DNAJC11: variants seen among roughly 807,000 people sequenced by gnomAD.
DNAJC11 encodes the protein DnaJ heat shock protein family (Hsp40) member C11, also known as dnaJ homolog subfamily C member 11.
Under a neutral mutation model 78.6 loss-of-function variants are expected in DNAJC11, and 15 were observed. The ratio of observed to expected loss-of-function variants is 0.19; its 90% CI spans 0.13 to 0.29. The LOEUF is 0.29. DNAJC11 is among the 10% of genes least tolerant of loss of function. DNAJC11 has a pLI of 1.00. For synonymous variants in DNAJC11, 292 were observed against 272.1 expected (o/e 1.07, Z -0.72); for missense variants, 547 against 709.6 (o/e 0.77, Z 2.60).
At chr1:6,693,084 C>A (rs1036750258) in intron 1 of DNAJC11, among the ~76,000 whole-genome samples, 3 of 144,220 alleles carry the variant, frequency 2.1e-5, no homozygotes, top group African/African-American at 7.6e-5. Context: ...TTTTTTTTTT[C>A]GTATTTTTAG....
At chr1:6,701,288 T>A (rs897660800) in intron 1 of DNAJC11, among the ~76,000 whole-genome samples, 1 of 152,154 alleles carries the variant, frequency 6.6e-6, no homozygotes, top group Non-Finnish European at 1.5e-5. Flanking sequence ...CGTTCCCTAG[T>A]GGCCTTGACC....
intron 1 of DNAJC11, among the ~76,000 whole-genome samples, chr1:6,694,559 C>G (rs1432999140): frequency 6.6e-6 from 1 of 152,138 alleles, no homozygotes; most frequent in Non-Finnish European, 1.5e-5. Context: ...GCGCCTCACT[C>G]TTGTTAACTG....
chr1:6,637,583 GTC>G, intron 12 of DNAJC11, 79 bp from the exon 13 acceptor site: 1 of 1,516,644 alleles, frequency 6.6e-7, no homozygotes, highest in South Asian at 1.1e-5. Flanking sequence ...CAGGCAGGCA[GTC>G]TTGTCCACGT....
intron 3 of DNAJC11, among the ~76,000 whole-genome samples, chr1:6,676,450 G>C (rs186007185): frequency 6.6e-6 from 1 of 152,008 alleles, no homozygotes; most frequent in Non-Finnish European, 1.5e-5. Context: ...GAGGCTGAGG[G>C]GGGAGGGTAG....
At chr1:6,655,876 G>A (rs182766957) in intron 4 of DNAJC11, among the ~76,000 whole-genome samples, 267 of 152,176 alleles carry the variant, frequency 1.8e-3, no homozygotes, top group African/African-American at 6.1e-3. Context: ...GGCCGAGGCA[G>A]GCGGCTCACG....
rs537774133 is a variant in DNAJC11 at position 6,645,291 on chromosome 1, C to G, written c.895-165G>C. Among the ~76,000 whole-genome samples, 1 of 152,288 alleles carries G rather than the reference C, an allele frequency of 6.6e-6. No individual in the cohort carries two copies. Among genetic ancestry groups the G allele is most frequent in the African/African-American group, 2.4e-5 (1 of 41,538 alleles). On this transcript the variant is annotated intron_variant, in intron 8 of 15. Transcript: ENST00000377577. This position sits in a 1 kb window ranked among gnomAD's most constrained non-coding sequence, Gnocchi z 4.1. ...GAGTGCACCATGATTTATTAGCAGCCAGTAATTAAAAAGTGGGAGACTTCA... is the reference window on the plus strand; with the variant it reads ...GAGTGCACCATGATTTATTAGCAGCGAGTAATTAAAAAGTGGGAGACTTCA...
intron 3 of DNAJC11, among the ~76,000 whole-genome samples, chr1:6,673,615 T>A (rs1193557689): frequency 6.6e-6 from 1 of 152,230 alleles, no homozygotes; most frequent in Non-Finnish European, 1.5e-5. Context: ...TAGCACCTTT[T>A]ATAACCATGG....
intron 6 of DNAJC11, 117 bp downstream of exon 6, chr1:6,652,712 C>T (rs17365584): frequency 0.027 from 37,611 of 1,380,400 alleles, 801 homozygotes; most frequent in South Asian, 0.086. Flanking sequence ...CACTTGGTAC[C>T]GTTCTTACAC....
chr1:6,659,586 C>A (rs1218327626), intron 4 of DNAJC11, among the ~76,000 whole-genome samples: 1 of 151,890 alleles, frequency 6.6e-6, no homozygotes, highest in African/African-American at 2.4e-5. Context: ...ATAGTAAAAC[C>A]TCGTCTCTAC....
chr1:6,681,888 A>T (rs1277531952), intron 1 of DNAJC11, among the ~76,000 whole-genome samples: 1 of 152,148 alleles, frequency 6.6e-6, no homozygotes, highest in Non-Finnish European at 1.5e-5. Flanking sequence ...TTGGCCTATC[A>T]GGGGTGGTAC....
chr1:6,685,135 G>A (rs1642632271), intron 1 of DNAJC11, among the ~76,000 whole-genome samples: 1 of 152,136 alleles, frequency 6.6e-6, no homozygotes, highest in Non-Finnish European at 1.5e-5. Context: ...AATTATCCAG[G>A]TGTACTTCCA....
chr1:6,653,732 A>C lies in DNAJC11; in HGVS notation c.507+179T>G. 1 of 778,692 alleles carries C rather than the reference A, an allele frequency of 1.3e-6. No individual in the cohort carries two copies. Among genetic ancestry groups the C allele is most frequent in the South Asian group, 1.7e-5 (1 of 57,634 alleles). 48.2% of individuals were successfully genotyped at this position (778,692 alleles called of 1,614,324 possible). A position where few individuals can be genotyped will look rare whatever the true frequency, so the allele number is the denominator to read the frequency against. ...CCACACTCCTGCTGGCTCACATGCCAGCACAGCGGTAACACACGGCTGGGA... is the reference window on the plus strand; with the variant it reads ...CCACACTCCTGCTGGCTCACATGCCCGCACAGCGGTAACACACGGCTGGGA... On this transcript the variant is annotated intron_variant, in intron 5 of 15. Coordinates refer to ENST00000377577, the MANE Select transcript of DNAJC11 (RefSeq NM_018198.4). This position sits in a 1 kb window ranked among gnomAD's most constrained non-coding sequence, Gnocchi z 4.5.
chr1:6,655,878 C>T (rs571938994), intron 4 of DNAJC11, among the ~76,000 whole-genome samples: 2 of 151,652 alleles, frequency 1.3e-5, no homozygotes, highest in Non-Finnish European at 2.9e-5. Flanking sequence ...CCGAGGCAGG[C>T]GGCTCACGAA....
chr1:6,636,673 G>A (rs1418061972), intron 14 of DNAJC11, among the ~76,000 whole-genome samples: 1 of 152,174 alleles, frequency 6.6e-6, no homozygotes, highest in African/African-American at 2.4e-5. Context: ...CACACCAGGG[G>A]CTCAGTAAAT....
chr1:6,657,101 C>T (rs113559941), intron 4 of DNAJC11, among the ~76,000 whole-genome samples: 157 of 152,220 alleles, frequency 1.0e-3, no homozygotes, highest in African/African-American at 3.6e-3. Context: ...GAGCCCTCTC[C>T]TTGATCCTGA....
At chr1:6,648,170 T>C (rs935596353) in intron 7 of DNAJC11, among the ~76,000 whole-genome samples, 2 of 152,188 alleles carry the variant, frequency 1.3e-5, no homozygotes, top group Non-Finnish European at 2.9e-5. Context: ...TTTTCTTTTT[T>C]TTGAGACAGA....
intron 3 of DNAJC11, among the ~76,000 whole-genome samples, chr1:6,677,379 A>G (rs1388773405): frequency 2.6e-5 from 4 of 151,834 alleles, no homozygotes; most frequent in Non-Finnish European, 4.4e-5. Context: ...TGCAGCCTCA[A>G]CCTCCTGTGC....
intron 4 of DNAJC11, among the ~76,000 whole-genome samples, chr1:6,666,322 A>G (rs1642292765): frequency 6.6e-6 from 1 of 151,776 alleles, no homozygotes; most frequent in South Asian, 2.1e-4. Flanking sequence ...AATGTATTTC[A>G]TCAGAGGTTT....
intron 10 of DNAJC11, among the ~76,000 whole-genome samples, chr1:6,644,344 G>A (rs1641933346): frequency 6.6e-6 from 1 of 152,226 alleles, no homozygotes; most frequent in Admixed American, 6.5e-5. Flanking sequence ...ACGTTGGCCA[G>A]GCTGGTCTCA....
Sources: gnomAD v4.1 joint callset for allele counts (sites outside exome capture counted in the v4.1 genomes callset) on GRCh38, gnomAD v4.1.1 for gene constraint, Gnocchi (gnomAD v3.1) non-coding constraint, MANE v1.5 for transcripts, NCBI Gene and HGNC (gene_info 2026-07-23, HGNC 2026-07-21) for gene names.